SERPINB8: variants seen among roughly 807,000 people sequenced by gnomAD.
SERPINB8 encodes the protein serpin B8.
A neutral mutation model predicts 35.3 loss-of-function variants in SERPINB8; 25 were observed. The observed-to-expected ratio is 0.71, with a 90% CI of 0.52 to 0.99. The LOEUF is 0.99. Among genes scored for constraint, SERPINB8 ranks in the 50% least tolerant of loss-of-function variants. The probability of loss-of-function intolerance (pLI) is 0.00; values close to 1 mark genes in which losing one functional copy is unlikely to be tolerated. For missense variants in SERPINB8, 484 were observed against 446.5 expected, an observed-to-expected ratio of 1.08 and a Z score of -0.76; for synonymous variants, 186 against 160.8, an observed-to-expected ratio of 1.16 and a Z score of -1.19.
At chr18:63,974,159 C>T (rs28513207) in intron 1 of SERPINB8, among the ~76,000 whole-genome samples, 42,943 of 152,046 alleles carry the variant, frequency 0.28, 7,485 homozygotes, top group African/African-American at 0.5. Context: ...TATTTATTTA[C>T]TTGTTTTTTT....
Position 63,974,351 on chromosome 18 carries a change from G to A in SERPINB8, c.-10-3948G>A, listed in dbSNP as rs187463621. On this transcript the variant is annotated intron_variant, in intron 1 of 6. Transcript: ENST00000397985. ...TGAACATTCTACATAAATGCTCTTT[G>A]AATAAACTCACTTTTGGATGTTGTA... Among the ~76,000 whole-genome samples, 237 of 152,226 alleles carry A rather than the reference G, an allele frequency of 1.6e-3. 1 individual carries two copies. Among genetic ancestry groups the A allele is most frequent in the Admixed American group, 3.9e-3 (60 of 15,288 alleles).
downstream of SERPINB8, among the ~76,000 whole-genome samples, chr18:63,989,966 A>AAAAC (rs2046300528): frequency 3.4e-5 from 5 of 144,964 alleles, 1 homozygote; most frequent in African/African-American, 1.4e-4. Context: ...AAAAAAAAAA[A>AAAAC]AAACCAAAAT....
chr18:63,994,561 TG>T (rs1197503746), intron 1 of SERPINB8, among the ~76,000 whole-genome samples: 1 of 152,060 alleles, frequency 6.6e-6, no homozygotes, highest in Non-Finnish European at 1.5e-5. Flanking sequence ...AGTGTGCTAA[TG>T]TGTTGTTTAC....
intron 5 of SERPINB8, 69 bp from the exon 6 acceptor site, chr18:63,985,024 G>A (rs2050729079): frequency 2.6e-6 from 4 of 1,513,438 alleles, no homozygotes; most frequent in Non-Finnish European, 3.6e-6. Flanking sequence ...GTTTCTGTGA[G>A]TTAGATATAT....
At chr18:63,971,088 T>C (rs1469882216) in intron 1 of SERPINB8, among the ~76,000 whole-genome samples, 1 of 152,060 alleles carries the variant, frequency 6.6e-6, no homozygotes, top group Non-Finnish European at 1.5e-5. Context: ...CTTCCCTGGG[T>C]CCACTCGCAG....
intron 7 of SERPINB8, among the ~76,000 whole-genome samples, chr18:64,016,048 AC>A (rs773361646): frequency 6.6e-5 from 10 of 152,158 alleles, no homozygotes; most frequent in Non-Finnish European, 1.3e-4. Context: ...GACCCTAGAC[AC>A]TTTTCCCCCC....
At chr18:63,983,032 A>G (rs2050696102) in intron 4 of SERPINB8, among the ~76,000 whole-genome samples, 3 of 152,186 alleles carry the variant, frequency 2.0e-5, no homozygotes, top group Admixed American at 2.0e-4. Flanking sequence ...GCATAGAGCA[A>G]TGATCCTCAA....
rs554444065 is a variant in SERPINB8 at position 64,014,235 on chromosome 18, T to C, written c.*3-4675T>C. ...AAGGAGGAATCATAGGTTCTCATGTTGGACAGAATGTACCAGGATAGGTAT... is the reference window on the plus strand; with the variant it reads ...AAGGAGGAATCATAGGTTCTCATGTCGGACAGAATGTACCAGGATAGGTAT... On this transcript the variant is annotated intron_variant, in intron 7 of 7. Transcript: ENST00000636430. Among the ~76,000 whole-genome samples, 5 of 152,326 alleles carry C rather than the reference T, an allele frequency of 3.3e-5. No individual in the cohort carries two copies. In the South Asian group the frequency reaches 1.0e-3, roughly 32 times the overall value.
intron 3 of SERPINB8, among the ~76,000 whole-genome samples, chr18:63,980,932 G>T (rs1453155651): frequency 6.6e-6 from 1 of 152,180 alleles, no homozygotes; most frequent in Non-Finnish European, 1.5e-5. Context: ...TTGGGTACAG[G>T]ACTTTTCTGA....
At chr18:64,000,087 C>CA (rs1413201265) in intron 1 of SERPINB8, among the ~76,000 whole-genome samples, 2 of 152,180 alleles carry the variant, frequency 1.3e-5, no homozygotes, top group Non-Finnish European at 2.9e-5. Flanking sequence ...GAGTCTGTGC[C>CA]ACTGTCAACA....
intron 1 of SERPINB8, among the ~76,000 whole-genome samples, chr18:63,972,594 A>C (rs929559407): frequency 6.6e-6 from 1 of 152,158 alleles, no homozygotes; most frequent in African/African-American, 2.4e-5. Flanking sequence ...CCCATCAACT[A>C]GTCATTTACA....
rs12605976 is a variant in SERPINB8 at position 63,981,936 on chromosome 18, A to G, written c.424+98A>G. 0.16 allele frequency: 126,011 copies of G among 764,884 alleles called. 12,433 individuals carry two copies. The highest frequency in any genetic ancestry group is 0.34 in the African/African-American group (19,811 of 57,724). The allele number at this position is 764,884 out of a possible 1,614,324, so 47.4% of individuals were successfully genotyped here. The stretch of plus-strand genomic sequence containing the variant: ...CCAGGGTGTTGCCACTGTGACCTGC[A>G]TACCACAGGCCTGTTTGTATGTGTT... On this transcript the variant is annotated intron_variant, in intron 4 of 6. Transcript: ENST00000397985.
chr18:63,987,060 T>C lies in SERPINB8; in HGVS notation c.907T>C (p.Ser303Pro). 1.2e-6 allele frequency: 2 copies of C among 1,614,182 alleles called. No homozygotes were observed. Among genetic ancestry groups the C allele is most frequent in the Middle Eastern group, 1.6e-4 (1 of 6,062 alleles). ...DEAKADFSGMSTEKNVPLSKV... is the reference protein window; with the variant it reads ...DEAKADFSGMPTEKNVPLSKV... ...AGCCAAGGCAGACTTTTCTGGAATG[T>C]CAACTGAGAAGAATGTGCCTCTGTC... Residue 303 changes from serine to proline, a missense_variant, in exon 7 of 7, where the codon TCA becomes CCA. By Grantham distance (74) the Ser-to-Pro change is moderately conservative. Transcript: ENST00000397985.
chr18:63,994,944 A>T lies in SERPINB8; in HGVS notation c.70+9699A>T, dbSNP rs572339090. Among the ~76,000 whole-genome samples the T allele has an allele frequency of 3.9e-5, 6 of 152,114 alleles. No homozygotes were observed. The East Asian group carries it at 1.2e-3, about 30-fold the overall frequency. ...AGAGTGGCTGCTTCCAAGAAAACAG[A>T]TTGCAGAAGCAGGGAGGCAAAGATG... On this transcript the variant is annotated intron_variant, in intron 1 of 1. Transcript: ENST00000493661.
chr18:63,996,505 C>T lies in SERPINB8; in HGVS notation c.71-8314C>T, dbSNP rs115807083. 5.2e-3 allele frequency among the ~76,000 whole-genome samples: 796 copies of T among 152,254 alleles called. 8 individuals are homozygous for T. Among genetic ancestry groups the T allele is most frequent in the African/African-American group, 0.018 (730 of 41,562 alleles). ...ACTTGCCTTTATGTGGAATGGGTTGCAATCCACCTTTAATGTCCTTTCACA... is the reference window on the plus strand; with the variant it reads ...ACTTGCCTTTATGTGGAATGGGTTGTAATCCACCTTTAATGTCCTTTCACA... On this transcript the variant is annotated intron_variant, in intron 1 of 1. Coordinates refer to the SERPINB8 transcript ENST00000493661.
chr18:63,986,877 G>A lies in SERPINB8; in HGVS notation c.724G>A (p.Glu242Lys), dbSNP rs142805798. Residue 242 changes from glutamate to lysine, a missense_variant, in exon 7 of 7, where the codon GAA becomes AAA. Glu to Lys is a moderately conservative substitution (Grantham distance 56, BLOSUM62 1). Transcript: ENST00000397985. ...GTTTGAGTCTTTCTTATCCTAGGTG[G>A]AAAAAGCACTTACATATGAGAAATT... ...PDDNTDLAVV[E>K]KALTYEKFKA... The A allele has an allele frequency of 1.0e-4, 161 of 1,603,850 alleles. No individual in the cohort carries two copies. Among genetic ancestry groups the A allele is most frequent in the Non-Finnish European group, 1.3e-4 (152 of 1,176,256 alleles).
At chr18:64,002,906 C>T (rs1436823961) in intron 1 of SERPINB8, among the ~76,000 whole-genome samples, 4 of 152,208 alleles carry the variant, frequency 2.6e-5, no homozygotes, top group African/African-American at 9.6e-5. Context: ...CAGAAGGCCC[C>T]CAAGCCGGCG....
rs1338288547 is a variant in SERPINB8 at position 63,981,802 on chromosome 18, A to G, written c.388A>G (p.Lys130Glu). 1.9e-6 allele frequency: 3 copies of G among 1,613,586 alleles called. No individual in the cohort carries two copies. Among genetic ancestry groups the G allele is most frequent in the Middle Eastern group, 1.7e-4 (1 of 6,060 alleles). Reference protein sequence around the residue: ...SFAEDTEECRKHINDWVAEKT... With the variant: ...SFAEDTEECREHINDWVAEKT... ...TGCTGAAGACACTGAAGAGTGCAGG[A>G]AGCATATAAATGACTGGGTGGCAGA... The change falls in exon 4 of 7, where the codon AAG becomes GAG. Residue 130 changes from lysine to glutamate, a missense_variant. Lys to Glu is a moderately conservative substitution (Grantham distance 56, BLOSUM62 1). Coordinates refer to ENST00000397985, the MANE Select transcript of SERPINB8 (RefSeq NM_002640.4).
chr18:64,001,699 C>A (rs1047931821), intron 1 of SERPINB8, among the ~76,000 whole-genome samples: 3 of 152,086 alleles, frequency 2.0e-5, no homozygotes, highest in Non-Finnish European at 4.4e-5. Flanking sequence ...GTTGTCCAGG[C>A]TGGTCTCGAA....
Sources: gnomAD v4.1 joint callset for allele counts (sites outside exome capture counted in the v4.1 genomes callset) on GRCh38, gnomAD v4.1.1 for gene constraint, MANE v1.5 for transcripts, NCBI Gene and HGNC (gene_info 2026-07-23, HGNC 2026-07-21) for gene names.